The following GEMIN6 variants were observed in gnomAD, a reference collection of about 807,000 sequenced individuals.
GEMIN6 encodes the protein gem-associated protein 6.
GEMIN6 carries 13 observed loss-of-function variants against 14.1 expected under a neutral mutation model. The ratio of observed to expected loss-of-function variants is 0.92; its 90% CI spans 0.60 to 1.46. The LOEUF (loss-of-function observed/expected upper bound fraction) is 1.46. Ranked by LOEUF, GEMIN6 falls within the 40% of genes most tolerant of loss-of-function variation. GEMIN6 has a pLI of 0.00. For missense variants in GEMIN6, 271 were observed against 202.4 expected, an observed-to-expected ratio of 1.34 and a Z score of -2.06; for synonymous variants, 87 against 70.0, an observed-to-expected ratio of 1.24 and a Z score of -1.21.
intron 2 of GEMIN6, among the ~76,000 whole-genome samples, chr2:38,781,121 C>T (rs948980000): frequency 6.6e-6 from 1 of 151,986 alleles, no homozygotes; most frequent in Admixed American, 6.6e-5. Context: ...GTGACTGCCA[C>T]CACACCCAGC....
At chr2:38,779,678 T>A (rs1044121414) in intron 2 of GEMIN6, among the ~76,000 whole-genome samples, 10 of 97,130 alleles carry the variant, frequency 1.0e-4, no homozygotes, top group African/African-American at 3.9e-4. Flanking sequence ...TTTTTTTTTT[T>A]TTTTTTTTTT....
At chr2:38,780,466 G>A (rs1377405236) in intron 2 of GEMIN6, among the ~76,000 whole-genome samples, 1 of 151,948 alleles carries the variant, frequency 6.6e-6, no homozygotes, top group Non-Finnish European at 1.5e-5. Flanking sequence ...CCCAGTTCAA[G>A]TGATTCTCCT....
In GEMIN6 at chr2:38,778,979, C is replaced by G. The variant is rs182583282; in HGVS notation, c.-12C>G. 2 of 1,605,640 alleles carry G rather than the reference C, an allele frequency of 1.2e-6. No homozygotes were observed. The highest frequency in any genetic ancestry group is 2.2e-5 in the East Asian group (1 of 44,642). ...CACTGGTGGTTGTTTCAGATTTAGC[C>G]AGGTGGCAATCATGAGTGAATGGAT... On this transcript the variant is annotated 5_prime_UTR_variant, in exon 2 of 3. Coordinates refer to ENST00000281950, the MANE Select transcript of GEMIN6 (RefSeq NM_024775.10).
chr2:38,780,739 C>T (rs1669061618), intron 2 of GEMIN6, among the ~76,000 whole-genome samples: 1 of 150,086 alleles, frequency 6.7e-6, no homozygotes, highest in African/African-American at 2.5e-5. Flanking sequence ...AGTGATTCTC[C>T]TGCCTCAGCC....
In GEMIN6 at chr2:38,779,017, C is replaced by G; in HGVS notation, c.27C>G (p.Pro9=). The change falls in exon 2 of 3, where the codon CCC becomes CCG. Residue 9 remains proline, a synonymous_variant. Coordinates refer to ENST00000281950, the MANE Select transcript of GEMIN6 (RefSeq NM_024775.10). MSEWMKKG[P]LEWQDYIYKE... ...TGAGTGAATGGATGAAGAAAGGCCC[C>G]TTAGAATGGCAAGATTACATTTACA... The G allele has an allele frequency of 6.2e-7, 1 of 1,613,332 alleles. No homozygotes were observed. The highest frequency in any genetic ancestry group is 8.5e-7 in the Non-Finnish European group (1 of 1,179,726).
chr2:38,781,860 C>T lies in GEMIN6; in HGVS notation c.472C>T (p.Leu158Phe), dbSNP rs1669099312. 5 of 1,611,058 alleles carry T rather than the reference C, an allele frequency of 3.1e-6. No homozygotes were observed. The highest frequency in any genetic ancestry group is 4.2e-6 in the Non-Finnish European group (5 of 1,178,030). Residue 158 changes from leucine (L) to phenylalanine (F), a missense_variant, in exon 3 of 3, where the codon CTT becomes TTT. Leu to Phe is a conservative substitution (Grantham distance 22). Coordinates refer to ENST00000281950, the MANE Select transcript of GEMIN6 (RefSeq NM_024775.10). ...NEIILSRVQD[L>F]IEGHLTASQ is the part of the protein sequence containing the mutation. ...GATTATTCTGTCGCGTGTTCAGGAT[C>T]TTATTGAAGGACATCTTACAGCTTC...
Position 38,779,027 on chromosome 2 carries a change from C to A in GEMIN6, c.37C>A (p.Gln13Lys). 1 of 1,613,476 alleles carries A rather than the reference C, an allele frequency of 6.2e-7. No homozygotes were observed. Among genetic ancestry groups the A allele is most frequent in the South Asian group, 1.1e-5 (1 of 90,970 alleles). Residue 13 changes from glutamine (Q) to lysine (K), a missense_variant, in exon 2 of 3, where the codon CAA becomes AAA. By Grantham distance (53) the Gln-to-Lys change is moderately conservative. Coordinates refer to ENST00000281950, the MANE Select transcript of GEMIN6 (RefSeq NM_024775.10). The stretch of plus-strand genomic sequence containing the variant: ...GATGAAGAAAGGCCCCTTAGAATGG[C>A]AAGATTACATTTACAAAGAGGTCCG... Reference protein sequence around the residue: ...EWMKKGPLEWQDYIYKEVRVT... With the variant: ...EWMKKGPLEWKDYIYKEVRVT...
At chr2:38,780,206 G>A (rs1316090911) in intron 2 of GEMIN6, among the ~76,000 whole-genome samples, 1 of 151,138 alleles carries the variant, frequency 6.6e-6, no homozygotes, top group African/African-American at 2.4e-5. Flanking sequence ...TGTAGTCCCA[G>A]CTACTCAGGA....
chr2:38,781,882 C>G lies in GEMIN6; in HGVS notation c.494C>G (p.Ala165Gly), dbSNP rs878898594. The G allele has an allele frequency of 1.2e-6, 2 of 1,603,076 alleles. No homozygotes were observed. The highest frequency in any genetic ancestry group is 1.1e-5 in the South Asian group (1 of 89,940). The change falls in exon 3 of 3, where the codon GCT (alanine) becomes GGT (glycine). Residue 165 changes from alanine (A) to glycine (G), a missense_variant. By Grantham distance (60) the Ala-to-Gly change is moderately conservative. Coordinates refer to ENST00000281950, the MANE Select transcript of GEMIN6 (RefSeq NM_024775.10). ...GATCTTATTGAAGGACATCTTACAG[C>G]TTCCCAATGAGAGGCCAGGAAGTGT... ...VQDLIEGHLT[A>G]SQ
chr2:38,779,820 T>A (rs1031478155), intron 2 of GEMIN6, among the ~76,000 whole-genome samples: 24 of 149,130 alleles, frequency 1.6e-4, no homozygotes, highest in Non-Finnish European at 3.4e-4. Flanking sequence ...TAGCTGGGGT[T>A]ACACACATGT....
chr2:38,778,539 G>T (rs938517190), intron 1 of GEMIN6, among the ~76,000 whole-genome samples: 5 of 152,172 alleles, frequency 3.3e-5, no homozygotes, highest in African/African-American at 1.2e-4. Flanking sequence ...TTCTGGTTCA[G>T]TTGAGGAGTG....
rs1669083956 is a variant in GEMIN6, at chr2:38,781,475, A to G, written c.129-42A>G. ...GTGTCATCTATTATTTTAGTGACCT[A>G]CTTGGGTTGATGATGCCTCTAAACT... On this transcript the variant is annotated intron_variant, in intron 2 of 2. Transcript: ENST00000281950. 3 of 1,551,216 alleles carry G rather than the reference A, an allele frequency of 1.9e-6. No homozygotes were observed. The South Asian group carries it at 3.7e-5, about 19-fold the overall frequency.
intron 2 of GEMIN6, among the ~76,000 whole-genome samples, chr2:38,779,636 C>CCATATATA (rs1553317103): frequency 5.5e-5 from 2 of 36,074 alleles, no homozygotes; most frequent in African/African-American, 2.1e-4. Context: ...ATTATTCTTA[C>CCATATATA]TATATATATA....
At position 38,781,916 on chromosome 2, in the gene GEMIN6, T is replaced by C. The variant is rs1669101082; in HGVS notation, c.*24T>C. On this transcript the variant is annotated 3_prime_UTR_variant, in exon 3 of 3. Transcript: ENST00000281950. Reference sequence around the variant, plus strand: ...GAGAGGCCAGGAAGTGTGAACATACTGATAGAAAAAGACTATATTTTATCC... The same window carrying C: ...GAGAGGCCAGGAAGTGTGAACATACCGATAGAAAAAGACTATATTTTATCC... The C allele has an allele frequency of 1.9e-6, 3 of 1,564,028 alleles. No individual in the cohort carries two copies. The highest frequency in any genetic ancestry group is 1.4e-5 in the African/African-American group (1 of 72,900).
intron 2 of GEMIN6, among the ~76,000 whole-genome samples, chr2:38,780,223 G>T (rs1477844315): frequency 1.3e-5 from 2 of 151,372 alleles, no homozygotes; most frequent in African/African-American, 4.8e-5. Flanking sequence ...AGGAGGCTGG[G>T]GCAGGAGAAT....
At position 38,781,951 on chromosome 2, in the gene GEMIN6, T is replaced by TATA; in HGVS notation, c.*59_*60insATA. On this transcript the variant is annotated 3_prime_UTR_variant, in exon 3 of 3. Coordinates refer to ENST00000281950, the MANE Select transcript of GEMIN6 (RefSeq NM_024775.10). ...AGACTATATTTTATCCCTCATAAAA[T>TATA]GTTTTAAATGTAAATGTACATGACT... 1 of 1,464,538 alleles carries TATA rather than the reference T, an allele frequency of 6.8e-7. No individual in the cohort carries two copies. Among genetic ancestry groups the TATA allele is most frequent in the Non-Finnish European group, 9.2e-7 (1 of 1,083,124 alleles). 90.7% of individuals were successfully genotyped at this position (1,464,538 alleles called of 1,614,324 possible). A position where few individuals can be genotyped will look rare whatever the true frequency, so the allele number is the denominator to read the frequency against.
intron 2 of GEMIN6, among the ~76,000 whole-genome samples, chr2:38,781,061 C>T (rs985130693): frequency 6.7e-6 from 1 of 149,080 alleles, no homozygotes; most frequent in Non-Finnish European, 1.5e-5. Context: ...CTCTGCCTCC[C>T]AGGTTCAAGC....
At chr2:38,780,085 G>A (rs1366677800) in intron 2 of GEMIN6, among the ~76,000 whole-genome samples, 1 of 151,464 alleles carries the variant, frequency 6.6e-6, no homozygotes, top group Non-Finnish European at 1.5e-5. Context: ...TTGGGAGGCC[G>A]AGGCGGGTGG....
At position 38,778,981 on chromosome 2, in the gene GEMIN6, G is replaced by C; in HGVS notation, c.-10G>C. On this transcript the variant is annotated 5_prime_UTR_variant, in exon 2 of 3. Coordinates refer to ENST00000281950, the MANE Select transcript of GEMIN6 (RefSeq NM_024775.10). ...CTGGTGGTTGTTTCAGATTTAGCCA[G>C]GTGGCAATCATGAGTGAATGGATGA... is the stretch of plus-strand genomic sequence containing the variant. 1 of 1,606,842 alleles carries C rather than the reference G, an allele frequency of 6.2e-7. No individual in the cohort carries two copies. Among genetic ancestry groups the C allele is most frequent in the Non-Finnish European group, 8.5e-7 (1 of 1,177,136 alleles).
Sources: allele counts gnomAD v4.1 joint callset (sites outside exome capture counted in the v4.1 genomes callset), GRCh38; gene constraint gnomAD v4.1.1; transcripts MANE v1.5; gene names NCBI Gene and HGNC (gene_info 2026-07-23, HGNC 2026-07-21).